The following RCAN2 variants were observed in gnomAD, a reference collection of about 807,000 sequenced individuals.
RCAN2 encodes the protein regulator of calcineurin 2.
A neutral mutation model predicts 23.6 loss-of-function variants in RCAN2; 9 were observed. The observed-to-expected ratio is 0.38, with a 90% CI of 0.23 to 0.67. The LOEUF is 0.67. Among genes scored for constraint, RCAN2 ranks in the 30% least tolerant of loss-of-function variants. The pLI is 0.51. For synonymous variants in RCAN2, 109 were observed against 115.7 expected (o/e 0.94, Z 0.37); for missense variants, 273 against 302.3 (o/e 0.90, Z 0.72).
At chr6:46,227,225 C>T (rs1765702470) in intron 4 of RCAN2, among the ~76,000 whole-genome samples, 1 of 152,152 alleles carries the variant, frequency 6.6e-6, no homozygotes, top group Non-Finnish European at 1.5e-5. Context: ...TGATGTTCAT[C>T]AGGGATATTG....
At chr6:46,250,515 C>T (rs1446224475) in intron 2 of RCAN2, among the ~76,000 whole-genome samples, 1 of 152,132 alleles carries the variant, frequency 6.6e-6, no homozygotes, top group African/African-American at 2.4e-5. Flanking sequence ...TAGGAATGGA[C>T]TTAAGAGATG....
At chr6:46,376,508 C>G (rs192964473) in intron 2 of RCAN2, among the ~76,000 whole-genome samples, 96 of 152,184 alleles carry the variant, frequency 6.3e-4, no homozygotes, top group Non-Finnish European at 1.2e-3. Flanking sequence ...GGTAAAACCC[C>G]GTCTCTACTA....
intron 2 of RCAN2, among the ~76,000 whole-genome samples, chr6:46,402,085 T>G (rs1271752565): frequency 1.3e-5 from 2 of 151,920 alleles, no homozygotes; most frequent in African/African-American, 4.8e-5. Context: ...TTTGGGAAAA[T>G]GAGTAATGTT....
At chr6:46,472,618 G>A (rs1014386670) in intron 1 of RCAN2, among the ~76,000 whole-genome samples, 5 of 152,148 alleles carry the variant, frequency 3.3e-5, no homozygotes, top group African/African-American at 9.7e-5. Flanking sequence ...TTGCTGTACT[G>A]TAATTGTGTA....
chr6:46,223,173 G>A lies in RCAN2; in HGVS notation c.700C>T (p.Arg234Cys), dbSNP rs770255594. The A allele has an allele frequency of 9.9e-6, 16 of 1,613,544 alleles. No individual in the cohort carries two copies. The highest frequency in any genetic ancestry group is 1.1e-5 in the South Asian group (1 of 91,056). ...SPKPKIIQTR[R>C]PGLPPSVSN ...GACACGGAGGGTGGCAGGCCAGGAC[G>A]CCGAGTTTGGATGATTTTTGGCTTT... The change falls in exon 5 of 5, where the codon CGT becomes TGT. Residue 234 changes from arginine to cysteine, a missense_variant. Coordinates refer to ENST00000371374, the MANE Select transcript of RCAN2 (RefSeq NM_001251974.2).
chr6:46,292,072 T>C (rs945137917), intron 2 of RCAN2, among the ~76,000 whole-genome samples: 3 of 152,346 alleles, frequency 2.0e-5, no homozygotes, highest in Non-Finnish European at 4.4e-5. Flanking sequence ...TGAAATTGCC[T>C]GCTCAGCAAA....
At chr6:46,378,606 T>C (rs1048330483) in intron 2 of RCAN2, among the ~76,000 whole-genome samples, 2 of 152,192 alleles carry the variant, frequency 1.3e-5, no homozygotes, top group Admixed American at 1.3e-4. Context: ...ATGTGAGACA[T>C]TAAAAAGAGC....
chr6:46,338,722 T>C (rs905293407), intron 2 of RCAN2, among the ~76,000 whole-genome samples: 1 of 152,104 alleles, frequency 6.6e-6, no homozygotes, highest in East Asian at 1.9e-4. Flanking sequence ...TGCTTTTCCA[T>C]TGCTGTTAGG....
At chr6:46,409,205 G>A (rs1224425536) in intron 2 of RCAN2, among the ~76,000 whole-genome samples, 1 of 152,072 alleles carries the variant, frequency 6.6e-6, no homozygotes, top group East Asian at 1.9e-4. Context: ...TAACCACCGA[G>A]TTCCATAGAT....
intron 2 of RCAN2, among the ~76,000 whole-genome samples, chr6:46,448,355 A>C (rs1767775137): frequency 6.6e-6 from 1 of 151,808 alleles, no homozygotes; most frequent in African/African-American, 2.4e-5. Context: ...TCTCCTACCA[A>C]AGAAAAGCCC....
chr6:46,383,723 T>C (rs1021879585), intron 2 of RCAN2, among the ~76,000 whole-genome samples: 37 of 152,224 alleles, frequency 2.4e-4, no homozygotes, highest in African/African-American at 8.9e-4. Flanking sequence ...CACATGTGGC[T>C]ACTGGCCAAT....
intron 2 of RCAN2, among the ~76,000 whole-genome samples, chr6:46,372,971 AT>A (rs1415666678): frequency 6.6e-6 from 1 of 152,218 alleles, no homozygotes; most frequent in African/African-American, 2.4e-5. Flanking sequence ...CTTGTCTCAA[AT>A]GACATTCGTA....
intron 2 of RCAN2, among the ~76,000 whole-genome samples, chr6:46,406,765 A>G (rs957346981): frequency 2.0e-5 from 3 of 152,248 alleles, no homozygotes; most frequent in Non-Finnish European, 4.4e-5. Flanking sequence ...GCTATAAATT[A>G]TCAGGGAACT....
chr6:46,272,646 T>C (rs1401698475), intron 2 of RCAN2, among the ~76,000 whole-genome samples: 1 of 151,968 alleles, frequency 6.6e-6, no homozygotes, highest in Non-Finnish European at 1.5e-5. Flanking sequence ...GTTATAAAAC[T>C]GTGTTAACAT....
chr6:46,244,093 T>C (rs373079032), intron 4 of RCAN2, among the ~76,000 whole-genome samples: 1 of 152,096 alleles, frequency 6.6e-6, no homozygotes, highest in East Asian at 1.9e-4. Flanking sequence ...TAATAATAGG[T>C]CCTATCTCTG....
At chr6:46,393,279 C>T (rs1765986585) in intron 2 of RCAN2, among the ~76,000 whole-genome samples, 1 of 152,138 alleles carries the variant, frequency 6.6e-6, no homozygotes, top group African/African-American at 2.4e-5. Context: ...GAGGCTAAAA[C>T]TAACTATGGG....
At chr6:46,381,033 G>A (rs1356478356) in intron 2 of RCAN2, among the ~76,000 whole-genome samples, 2 of 152,120 alleles carry the variant, frequency 1.3e-5, no homozygotes, top group African/African-American at 2.4e-5. Context: ...ATCTAATTCA[G>A]GTTTCCTGTC....
chr6:46,420,134 A>C (rs2150411776), intron 2 of RCAN2, among the ~76,000 whole-genome samples: 1 of 152,284 alleles, frequency 6.6e-6, no homozygotes, highest in East Asian at 1.9e-4. Flanking sequence ...ACAGGCAGAT[A>C]AACAGAGTAC....
intron 2 of RCAN2, among the ~76,000 whole-genome samples, chr6:46,319,847 G>C (rs1158080999): frequency 6.6e-6 from 1 of 152,086 alleles, no homozygotes; most frequent in Admixed American, 6.6e-5. Context: ...TTTGCTGGAG[G>C]GTTAGAATCT....
Sources: gnomAD v4.1 joint callset for allele counts (sites outside exome capture counted in the v4.1 genomes callset) on GRCh38, gnomAD v4.1.1 for gene constraint, MANE v1.5 for transcripts, NCBI Gene and HGNC (gene_info 2026-07-23, HGNC 2026-07-21) for gene names.